HDAC4: variants seen among roughly 807,000 people sequenced by gnomAD.
HDAC4 encodes the protein histone deacetylase A.
HDAC4 carries 16 observed loss-of-function variants against 135.1 expected under a neutral mutation model. That is an observed-to-expected ratio of 0.12 (90% CI 0.08 to 0.18). The LOEUF (loss-of-function observed/expected upper bound fraction) is 0.18. Ranked by LOEUF, HDAC4 falls within the 10% of genes least tolerant of loss-of-function variation. The probability of loss-of-function intolerance (pLI) is 1.00; values close to 1 mark genes in which losing one functional copy is unlikely to be tolerated. For missense variants in HDAC4, 1,143 were observed against 1,511.8 expected (o/e 0.76, Z 4.05); for synonymous variants, 685 against 653.4 (o/e 1.05, Z -0.74).
intron 17 of HDAC4, chr2:239,094,548 C>T (rs1316057047): frequency 2.8e-6 from 3 of 1,071,518 alleles, no homozygotes; most frequent in East Asian, 1.5e-4. Flanking sequence ...GCCAGCACAG[C>T]CCAGCGAGTA....
chr2:239,243,815 CAACT>C (rs1282434999), intron 2 of HDAC4, among the ~76,000 whole-genome samples: 1 of 152,194 alleles, frequency 6.6e-6, no homozygotes, highest in Non-Finnish European at 1.5e-5. Context: ...CCATGCCCTA[CAACT>C]AACACCTTCC....
Position 239,144,726 on chromosome 2 carries a change from G to A in HDAC4, c.734-12C>T. On this transcript the variant is annotated splice_polypyrimidine_tract_variant and intron_variant, in intron 7 of 26. Coordinates refer to ENST00000543185, the MANE Select transcript of HDAC4 (RefSeq NM_001378414.1). ...ATTCGGTTCAGAAGCTGCACAAAAA[G>A]GAGATGTCATTACAGCCAGGCAGAC... The A allele has an allele frequency of 6.2e-7, 1 of 1,614,064 alleles. No individual in the cohort carries two copies. Among genetic ancestry groups the A allele is most frequent in the Non-Finnish European group, 8.5e-7 (1 of 1,179,928 alleles).
intron 2 of HDAC4, among the ~76,000 whole-genome samples, chr2:239,283,996 G>A (rs1331373716): frequency 6.6e-6 from 1 of 152,210 alleles, no homozygotes; most frequent in Admixed American, 6.5e-5. Flanking sequence ...GGCGCCAAGG[G>A]CGTCGGCGCA....
At chr2:239,113,683 T>C (rs1454206853) in intron 13 of HDAC4, among the ~76,000 whole-genome samples, 1 of 152,204 alleles carries the variant, frequency 6.6e-6, no homozygotes, top group Non-Finnish European at 1.5e-5. Flanking sequence ...CTTATCAGCC[T>C]AATAATAGCA....
chr2:239,315,564 G>C (rs918355584), intron 2 of HDAC4, among the ~76,000 whole-genome samples: 1 of 152,136 alleles, frequency 6.6e-6, no homozygotes, highest in Non-Finnish European at 1.5e-5. Context: ...CCATCAACCC[G>C]GCAGACCAGG....
At chr2:239,121,419 C>G (rs1395443503) in intron 12 of HDAC4, among the ~76,000 whole-genome samples, 3 of 152,214 alleles carry the variant, frequency 2.0e-5, no homozygotes, top group Admixed American at 1.3e-4. Context: ...CCACTGCAAC[C>G]TGCCTGCCTG....
intron 24 of HDAC4, among the ~76,000 whole-genome samples, chr2:239,055,649 G>A (rs1431627565): frequency 1.3e-5 from 2 of 151,690 alleles, no homozygotes; most frequent in South Asian, 2.1e-4. Context: ...TCCAGGAGGC[G>A]GAGGCTGTAG....
intron 7 of HDAC4, among the ~76,000 whole-genome samples, chr2:239,155,862 G>T (rs1057113202): frequency 6.6e-6 from 1 of 152,144 alleles, no homozygotes; most frequent in South Asian, 2.1e-4. Context: ...GGCACTGCCC[G>T]CCCTCAGCAC....
chr2:239,117,995 C>T (rs974289810), intron 12 of HDAC4, among the ~76,000 whole-genome samples: 20 of 152,312 alleles, frequency 1.3e-4, no homozygotes, highest in Admixed American at 1.1e-3. Context: ...TCTCCAGCAG[C>T]CTGAACTACG....
chr2:239,179,929 C>T (rs1215587420), intron 4 of HDAC4, among the ~76,000 whole-genome samples: 4 of 152,214 alleles, frequency 2.6e-5, no homozygotes, highest in Non-Finnish European at 4.4e-5. Flanking sequence ...CCCAAGTGTG[C>T]GTTCTGAATG....
intron 1 of HDAC4, among the ~76,000 whole-genome samples, chr2:239,362,546 C>T (rs1693931438): frequency 6.6e-6 from 1 of 152,196 alleles, no homozygotes; most frequent in Admixed American, 6.5e-5. Flanking sequence ...ACACACCCTC[C>T]CCACCCCATT....
At chr2:239,298,647 C>T (rs1011133642) in intron 2 of HDAC4, 8 of 986,020 alleles carry the variant, frequency 8.1e-6, no homozygotes, top group Non-Finnish European at 9.6e-6. Flanking sequence ...TTTACAGAGC[C>T]GTGAGACTGT....
intron 9 of HDAC4, among the ~76,000 whole-genome samples, chr2:239,135,711 A>G (rs1040209424): frequency 6.6e-6 from 1 of 152,230 alleles, no homozygotes; most frequent in Admixed American, 6.5e-5. Flanking sequence ...CCTCCGCTGC[A>G]GGGCCGAGCA....
intron 7 of HDAC4, among the ~76,000 whole-genome samples, chr2:239,148,273 G>T (rs1470424646): frequency 6.6e-6 from 1 of 152,208 alleles, no homozygotes; most frequent in Non-Finnish European, 1.5e-5. Flanking sequence ...GAAGGAAGGG[G>T]CTGGAGAAAA....
At chr2:239,268,197 T>C (rs1473338892) in intron 2 of HDAC4, among the ~76,000 whole-genome samples, 1 of 152,244 alleles carries the variant, frequency 6.6e-6, no homozygotes, top group Non-Finnish European at 1.5e-5. Flanking sequence ...GAAGTGAACT[T>C]GGTCCTCAGC....
intron 24 of HDAC4, among the ~76,000 whole-genome samples, chr2:239,061,474 C>T (rs890287069): frequency 1.4e-4 from 21 of 145,970 alleles, no homozygotes; most frequent in African/African-American, 5.1e-4. Context: ...GTGGTGTGTG[C>T]GTGCATGAGA....
At chr2:239,150,851 G>A (rs113678488) in intron 7 of HDAC4, among the ~76,000 whole-genome samples, 2 of 151,056 alleles carry the variant, frequency 1.3e-5, no homozygotes, top group Non-Finnish European at 2.9e-5. Flanking sequence ...TACAGCAGCA[G>A]GAAGTCTCAC....
At chr2:239,229,232 A>G (rs1422302405) in intron 3 of HDAC4, among the ~76,000 whole-genome samples, 1 of 152,246 alleles carries the variant, frequency 6.6e-6, no homozygotes, top group Non-Finnish European at 1.5e-5. Context: ...CTCTTAAAGC[A>G]TTTCTAAATT....
intron 24 of HDAC4, among the ~76,000 whole-genome samples, chr2:239,066,518 C>A (rs1391887051): frequency 6.6e-6 from 1 of 152,232 alleles, no homozygotes; most frequent in South Asian, 2.1e-4. Flanking sequence ...AGTCCTGCCC[C>A]CTGCACCTCT....
Sources: allele counts gnomAD v4.1 joint callset (sites outside exome capture counted in the v4.1 genomes callset), GRCh38; gene constraint gnomAD v4.1.1; transcripts MANE v1.5; gene names NCBI Gene and HGNC (gene_info 2026-07-23, HGNC 2026-07-21).